Variants in GLDC observed in about 807,000 individuals in gnomAD.
GLDC encodes glycine decarboxylase, also known as glycine dehydrogenase (decarboxylating), mitochondrial.
GLDC carries 104 observed loss-of-function variants against 121.3 expected under a neutral mutation model. That is an observed-to-expected ratio of 0.86 (90% CI 0.73 to 1.01). GLDC has a LOEUF of 1.01. GLDC is among the 50% of genes least tolerant of loss of function. The pLI, the probability that GLDC is intolerant of heterozygous loss-of-function variation, is 0.00. For missense variants in GLDC, 1,429 were observed against 1,306.6 expected (o/e 1.09, Z -1.44); for synonymous variants, 546 against 480.6 (o/e 1.14, Z -1.78).
rs1554648060 is a variant in GLDC at position 6,604,591 on chromosome 9, G to C, written c.1055C>G (p.Thr352Arg). Residue 352 changes from threonine to arginine, a missense_variant, in exon 7 of 25, where the codon ACA (threonine) becomes AGA (arginine). Transcript: ENST00000321612. ...RMMPGRMVGVTRDATGKEVYR... is the reference protein window; with the variant it reads ...RMMPGRMVGVRRDATGKEVYR... Reference sequence around the variant, plus strand: ...AGAGAAACATGAGCCCCTTTACCTTGTTACCCCCACCATTCTTCCAGGCAT... The same window carrying C: ...AGAGAAACATGAGCCCCTTTACCTTCTTACCCCCACCATTCTTCCAGGCAT... 1.2e-6 allele frequency: 2 copies of C among 1,611,276 alleles called. No individual in the cohort carries two copies. Among genetic ancestry groups the C allele is most frequent in the Non-Finnish European group, 1.7e-6 (2 of 1,179,004 alleles).
At chr9:6,550,612 G>A (rs570313816) in intron 21 of GLDC, among the ~76,000 whole-genome samples, 191 bp downstream of exon 21, 3 of 152,272 alleles carry the variant, frequency 2.0e-5, no homozygotes, top group African/African-American at 2.4e-5. Context: ...GGGTGACAGA[G>A]CAAGACTCTA....
intron 15 of GLDC, among the ~76,000 whole-genome samples, chr9:6,580,214 G>T (rs1397450687): frequency 2.0e-5 from 3 of 152,150 alleles, no homozygotes; most frequent in Non-Finnish European, 2.9e-5. Flanking sequence ...CTCACCCTAG[G>T]GCTCCTTGAC....
chr9:6,602,007 G>A (rs1302097648), intron 8 of GLDC, 102 bp downstream of exon 8: 1 of 787,228 alleles, frequency 1.3e-6, no homozygotes, highest in Non-Finnish European at 2.3e-6. Flanking sequence ...TGTGCTCACT[G>A]CTCAGGAGGT....
chr9:6,592,935 C>T lies in GLDC; in HGVS notation c.1317G>A (p.Lys439=). 1 of 1,614,144 alleles carries T rather than the reference C, an allele frequency of 6.2e-7. No individual in the cohort carries two copies. The highest frequency in any genetic ancestry group is 1.1e-5 in the South Asian group (1 of 91,090). The change falls in exon 10 of 25, where the codon AAG becomes AAA. Residue 439 remains lysine, a synonymous_variant. Transcript: ENST00000321612. Reference sequence around the variant, plus strand: ...CCTTCACTGAGCAGCCACACTGAATCTTCAAGGTATCAAAGAACAGGTCAT... The same window carrying T: ...CCTTCACTGAGCAGCCACACTGAATTTTCAAGGTATCAAAGAACAGGTCAT... The part of the protein sequence containing the change: ...LQHDLFFDTL[K]IQCGCSVKEV...
At chr9:6,644,425 A>G (rs1819696753) in intron 2 of GLDC, 189 bp downstream of exon 2, 2 of 643,078 alleles carry the variant, frequency 3.1e-6, no homozygotes, top group Non-Finnish European at 5.6e-6. Context: ...TCCTAACACA[A>G]AACTGTCTGC....
At chr9:6,558,254 T>G (rs1286437534) in intron 17 of GLDC, 2 of 587,998 alleles carry the variant, frequency 3.4e-6, no homozygotes, top group Non-Finnish European at 6.0e-6. Context: ...GCCATTTTGA[T>G]TATTAAGTGG....
At chr9:6,580,770 T>A (rs754859297) in intron 15 of GLDC, among the ~76,000 whole-genome samples, 1 of 152,242 alleles carries the variant, frequency 6.6e-6, no homozygotes, top group Non-Finnish European at 1.5e-5. Context: ...TGATCCTACC[T>A]GCCTATCAGT....
chr9:6,632,634 G>T (rs1414154006), intron 2 of GLDC, among the ~76,000 whole-genome samples: 6 of 152,212 alleles, frequency 3.9e-5, no homozygotes, highest in African/African-American at 1.4e-4. Context: ...TCACAACACA[G>T]ATTCGCCCAC....
intron 8 of GLDC, among the ~76,000 whole-genome samples, chr9:6,600,606 G>T (rs1045268331): frequency 1.3e-5 from 2 of 151,860 alleles, no homozygotes; most frequent in African/African-American, 4.8e-5. Flanking sequence ...GGAGGCAGAG[G>T]TTGCAGTGAG....
chr9:6,596,373 A>T lies in GLDC; in HGVS notation c.1156-1254T>A, dbSNP rs572780488. ...TAAAAACTTCAAAGGGCACTAGAAT[A>T]TCAAAAGAAGAACCAAAAAAATTAA... On this transcript the variant is annotated intron_variant, in intron 8 of 24. Coordinates refer to ENST00000321612, the MANE Select transcript of GLDC (RefSeq NM_000170.3). Among the ~76,000 whole-genome samples the T allele has an allele frequency of 2.9e-4, 44 of 152,130 alleles. No homozygotes were observed. The East Asian group carries it at 8.3e-3, about 29-fold the overall frequency.
chr9:6,565,621 C>T, intron 15 of GLDC, 192 bp from the exon 16 acceptor site: 1 of 667,562 alleles, frequency 1.5e-6, no homozygotes, highest in South Asian at 1.7e-5. Context: ...ATCAAAGCAA[C>T]AGCATCCAGT....
At chr9:6,594,598 G>C (rs925359991) in intron 9 of GLDC, among the ~76,000 whole-genome samples, 2 of 152,010 alleles carry the variant, frequency 1.3e-5, no homozygotes, top group Non-Finnish European at 2.9e-5. Flanking sequence ...GAGAGGCTGA[G>C]GCAGGACAAT....
chr9:6,558,502 TC>T, intron 17 of GLDC, 56 bp downstream of exon 17: 1 of 1,595,920 alleles, frequency 6.3e-7, no homozygotes, highest in Non-Finnish European at 8.6e-7. Flanking sequence ...AAGTCCCTGA[TC>T]CCCACCAGCA....
chr9:6,565,777 C>A (rs141495924), intron 15 of GLDC: 1 of 512,064 alleles, frequency 2.0e-6, no homozygotes, highest in East Asian at 3.3e-5. Flanking sequence ...GGAACTACGA[C>A]GTGTGTGTCA....
In GLDC at chr9:6,558,310, G is replaced by C. The variant is rs59823389; in HGVS notation, c.2052+249C>G. 1,055 of 610,542 alleles carry C rather than the reference G, an allele frequency of 1.7e-3. 11 individuals carry two copies. The African/African-American group carries it at 0.018, about 10-fold the overall frequency. The allele number at this position is 610,542 out of a possible 1,614,324, so 37.8% of individuals were successfully genotyped here. A position where few individuals can be genotyped will look rare whatever the true frequency, so the allele number is the denominator to read the frequency against. On this transcript the variant is annotated intron_variant, in intron 17 of 24. Coordinates refer to ENST00000321612, the MANE Select transcript of GLDC (RefSeq NM_000170.3). ...AAGATTGGGCAGAAAGAGGCAGGCA[G>C]GTTCTGCAAGGAGTACTCTTACTAC...
At chr9:6,576,515 G>A (rs1315630591) in intron 15 of GLDC, among the ~76,000 whole-genome samples, 1 of 152,090 alleles carries the variant, frequency 6.6e-6, no homozygotes, top group Non-Finnish European at 1.5e-5. Context: ...CGCCCAGGCT[G>A]GGGTGCAGTG....
rs1817034798 is a variant in GLDC, at chr9:6,533,080, A to G, written c.3000T>C (p.Cys1000=). Residue 1000 remains cysteine, a synonymous_variant, in exon 25 of 25, where the codon TGT becomes TGC. Transcript: ENST00000321612. ...DDIYGDQHLV[C]TCPPMEVYES... ...CATAAACTTCCATGGGTGGGCAGGT[A>G]CAAACCAGGTGCTGATCTCCATATA... 1 of 1,611,882 alleles carries G rather than the reference A, an allele frequency of 6.2e-7. No homozygotes were observed. The highest frequency in any genetic ancestry group is 1.3e-5 in the African/African-American group (1 of 74,890).
rs140352381 is a variant in GLDC, at chr9:6,556,282, G to A, written c.2073C>T (p.Asn691=). The change falls in exon 18 of 25, where the codon AAC becomes AAT. Residue 691 remains asparagine (N), a synonymous_variant. Transcript: ENST00000321612. ...LKAMVDKHKE[N]LAAIMITYPS... ...GGTATGTAATCATGATAGCTGCTAG[G>A]TTCTCCTTGTGCTTATCCACCTGTG... The A allele has an allele frequency of 1.2e-5, 20 of 1,613,506 alleles. No individual in the cohort carries two copies. The African/African-American group carries it at 2.5e-4, about 20-fold the overall frequency.
intron 8 of GLDC, among the ~76,000 whole-genome samples, chr9:6,601,404 T>C (rs1339363258): frequency 6.6e-6 from 1 of 152,246 alleles, no homozygotes; most frequent in African/African-American, 2.4e-5. Context: ...TCTATTTACA[T>C]ATATTTTAAG....
Sources: gnomAD v4.1 joint callset for allele counts (sites outside exome capture counted in the v4.1 genomes callset) on GRCh38, gnomAD v4.1.1 for gene constraint, MANE v1.5 for transcripts, NCBI Gene and HGNC (gene_info 2026-07-23, HGNC 2026-07-21) for gene names.